The following H2AZ1 variants were observed in gnomAD, a reference collection of about 807,000 sequenced individuals.
H2AZ1 encodes H2A.Z variant histone 1, also known as histone H2A.Z.
In H2AZ1, 3 loss-of-function variants were observed where a neutral mutation model predicts 16.6. The observed-to-expected ratio is 0.18, with a 90% CI of 0.08 to 0.47. The LOEUF is 0.47. H2AZ1 is among the 20% of genes least tolerant of loss of function. The pLI is 0.98. For synonymous variants in H2AZ1, 78 were observed against 60.7 expected, an observed-to-expected ratio of 1.28 and a Z score of -1.32; for missense variants, 27 against 163.6, an observed-to-expected ratio of 0.17 and a Z score of 4.55.
At chr4:99,950,067 G>A in intron 1 of H2AZ1, 101 bp downstream of exon 1, 1 of 1,147,340 alleles carries the variant, frequency 8.7e-7, no homozygotes, top group Non-Finnish European at 1.3e-6. Context: ...GTCTCCGCGC[G>A]TTCCCAACCG....
chr4:99,949,823 C>G, intron 1 of H2AZ1, 83 bp from the exon 2 acceptor site: 1 of 1,081,390 alleles, frequency 9.2e-7, no homozygotes, highest in Non-Finnish European at 1.3e-6. Context: ...CCCACCGCGG[C>G]GCGTCCCGCC....
chr4:99,950,099 T>C, intron 1 of H2AZ1, 69 bp downstream of exon 1: 2 of 1,530,688 alleles, frequency 1.3e-6, no homozygotes, highest in Non-Finnish European at 1.8e-6. Flanking sequence ...CCCCCATCCC[T>C]CTGTGTAACG....
At chr4:99,949,030 C>A in intron 3 of H2AZ1, 90 bp from the exon 4 acceptor site, 2 of 813,036 alleles carry the variant, frequency 2.5e-6, no homozygotes, top group Non-Finnish European at 4.2e-6. Flanking sequence ...GCAGATCTAC[C>A]AACTGGAATC....
chr4:99,948,758 C>G (rs1727200373), intron 4 of H2AZ1, 53 bp downstream of exon 4: 1 of 1,563,066 alleles, frequency 6.4e-7, no homozygotes, highest in Admixed American at 2.0e-5. Context: ...TTAAAAGCAG[C>G]AAAAAATTCC....
chr4:99,949,065 A>G, intron 3 of H2AZ1, 125 bp from the exon 4 acceptor site: 1 of 732,914 alleles, frequency 1.4e-6, no homozygotes. Flanking sequence ...GACTGGCAAG[A>G]TATACAGGGG....
chr4:99,949,863 C>G, intron 1 of H2AZ1, 123 bp from the exon 2 acceptor site: 1 of 436,314 alleles, frequency 2.3e-6, no homozygotes, highest in South Asian at 7.7e-5. Context: ...CTGCCGGGGT[C>G]TCCGGCCCGC....
intron 4 of H2AZ1, 58 bp from the exon 5 acceptor site, chr4:99,948,581 G>T: frequency 6.3e-7 from 1 of 1,598,396 alleles, no homozygotes; most frequent in Non-Finnish European, 8.6e-7. Context: ...CACAGTATTT[G>T]AAACCAAGAA....
intron 1 of H2AZ1, 66 bp from the exon 2 acceptor site, chr4:99,949,806 C>T: frequency 7.7e-7 from 1 of 1,290,642 alleles, no homozygotes; most frequent in Non-Finnish European, 1.1e-6. Flanking sequence ...AGGCGGCGCG[C>T]CCATCCCCCA....
intron 4 of H2AZ1, 41 bp from the exon 5 acceptor site, chr4:99,948,564 A>T (rs771765670): frequency 3.6e-5 from 58 of 1,604,674 alleles, no homozygotes; most frequent in South Asian, 6.6e-5. Flanking sequence ...AAGATTTTTT[A>T]AAAAATCACA....
At chr4:99,949,438 A>T (rs762942753) in intron 2 of H2AZ1, 52 bp from the exon 3 acceptor site, 1 of 1,246,224 alleles carries the variant, frequency 8.0e-7, no homozygotes, top group South Asian at 1.2e-5. Flanking sequence ...AGAACTAGAG[A>T]TGGGGAAATT....
Position 99,948,115 on chromosome 4 carries a change from T to C in H2AZ1, c.*347A>G. 2.5e-6 allele frequency: 1 copy of C among 399,476 alleles called. No homozygotes were observed. The highest frequency in any genetic ancestry group is 4.7e-6 in the Non-Finnish European group (1 of 211,592). 24.7% of individuals were successfully genotyped at this position (399,476 alleles called of 1,614,324 possible). ...TGGGATATGACCTTTATTGAACTTA[T>C]CCACCAGAGTGGAAATAATGTCTGT... On this transcript the variant is annotated 3_prime_UTR_variant, in exon 5 of 5. Transcript: ENST00000296417.
chr4:99,948,465 G>C lies in H2AZ1; in HGVS notation c.384C>G (p.Val128=). 6.5e-7 allele frequency: 1 copy of C among 1,538,130 alleles called. No individual in the cohort carries two copies. The highest frequency in any genetic ancestry group is 9.0e-7 in the Non-Finnish European group (1 of 1,111,138). The change falls in exon 5 of 5, where the codon GTC becomes GTG. Residue 128 remains valine (V), a synonymous_variant. Coordinates refer to ENST00000296417, the MANE Select transcript of H2AZ1 (RefSeq NM_002106.4). The part of the protein sequence containing the change: ...LIGKKGQQKT[V] ...TAACAAGGAATCCAGGCATCCTTTAGACAGTCTTCTGTTGTCCTTTCTTCC... is the reference window on the plus strand; with the variant it reads ...TAACAAGGAATCCAGGCATCCTTTACACAGTCTTCTGTTGTCCTTTCTTCC...
intron 1 of H2AZ1, 45 bp from the exon 2 acceptor site, chr4:99,949,785 TAG>T (rs1285053469): frequency 6.8e-7 from 1 of 1,475,028 alleles, no homozygotes; most frequent in Non-Finnish European, 9.3e-7. Context: ...ACGGAGAATA[TAG>T]AATTACCAAG....
At position 99,948,202 on chromosome 4, in the gene H2AZ1, A is replaced by G; in HGVS notation, c.*260T>C. ...ACAATTAAAATCCAAACAGTTTTTT[A>G]AAAACAGTCAACTCAATCAAAACCC... On this transcript the variant is annotated 3_prime_UTR_variant, in exon 5 of 5. Transcript: ENST00000296417. 1 of 637,552 alleles carries G rather than the reference A, an allele frequency of 1.6e-6. No individual in the cohort carries two copies. Among genetic ancestry groups the G allele is most frequent in the South Asian group, 1.6e-5 (1 of 62,008 alleles). 39.5% of individuals were successfully genotyped at this position (637,552 alleles called of 1,614,324 possible). A position where few individuals can be genotyped will look rare whatever the true frequency, so the allele number is the denominator to read the frequency against.
rs1474078420 is a variant in H2AZ1 at position 99,949,643 on chromosome 4, C to A, written c.81+20G>T. On this transcript the variant is annotated intron_variant, in intron 2 of 4. Transcript: ENST00000296417. Reference sequence around the variant, plus strand: ...AAAGAAAAACATCATGACTCCCAGACTGCACGAACAACTACTGACCTGCAA... The same window carrying A: ...AAAGAAAAACATCATGACTCCCAGAATGCACGAACAACTACTGACCTGCAA... The A allele has an allele frequency of 3.7e-6, 6 of 1,607,726 alleles. No homozygotes were observed. The highest frequency in any genetic ancestry group is 3.3e-5 in the Admixed American group (2 of 60,028).
intron 3 of H2AZ1, 73 bp downstream of exon 3, chr4:99,949,200 A>G (rs1361260917): frequency 2.2e-6 from 2 of 892,544 alleles, no homozygotes; most frequent in Non-Finnish European, 3.6e-6. Flanking sequence ...TTCTTGCATC[A>G]CTTTCCTCCT....
Position 99,948,827 on chromosome 4 carries a change from A to G in H2AZ1, c.309T>C (p.Ala103=). 2 of 1,610,216 alleles carry G rather than the reference A, an allele frequency of 1.2e-6. No individual in the cohort carries two copies. The highest frequency in any genetic ancestry group is 8.5e-7 in the Non-Finnish European group (1 of 1,176,822). ...GDEELDSLIK[A]TIAGGGVIPH... is the part of the protein sequence containing the mutation. The stretch of plus-strand genomic sequence containing the variant: ...TTAACATACCACCACCAGCAATTGT[A>G]GCCTTGATGAGAGAATCCAATTCTT... The change falls in exon 4 of 5, where the codon GCT becomes GCC. Residue 103 remains alanine, a synonymous_variant. Transcript: ENST00000296417.
chr4:99,950,078 T>C (rs1727244520), intron 1 of H2AZ1, 90 bp downstream of exon 1: 1 of 1,284,106 alleles, frequency 7.8e-7, no homozygotes, highest in Non-Finnish European at 1.1e-6. Context: ...TTCCCAACCG[T>C]CGCCACTTCA....
At position 99,950,245 on chromosome 4, in the gene H2AZ1, T is replaced by G; in HGVS notation, c.-75A>C. On this transcript the variant is annotated 5_prime_UTR_variant, in exon 1 of 5. Coordinates refer to ENST00000296417, the MANE Select transcript of H2AZ1 (RefSeq NM_002106.4). ...GGACCCACGGTGAGATCCCACCACC[T>G]ACTCCTTCGTCGCACCGCGATTCAA... The G allele has an allele frequency of 2.1e-6, 3 of 1,408,722 alleles. No individual in the cohort carries two copies. Among genetic ancestry groups the G allele is most frequent in the Non-Finnish European group, 2.0e-6 (2 of 1,006,036 alleles). 87.3% of individuals were successfully genotyped at this position (1,408,722 alleles called of 1,614,324 possible). A position where few individuals can be genotyped will look rare whatever the true frequency, so the allele number is the denominator to read the frequency against.
Sources: allele counts gnomAD v4.1 joint callset, GRCh38; gene constraint gnomAD v4.1.1; transcripts MANE v1.5; gene names NCBI Gene and HGNC (gene_info 2026-07-23, HGNC 2026-07-21).